OTOGL: variants seen among roughly 807,000 people sequenced by gnomAD.
The protein encoded by OTOGL is otogelin-like protein.
OTOGL carries 285 observed loss-of-function variants against 318.5 expected under a neutral mutation model. That is an observed-to-expected ratio of 0.89 (90% CI 0.81 to 0.99). OTOGL has a LOEUF of 0.99. Among genes scored for constraint, OTOGL ranks in the 50% least tolerant of loss-of-function variants. The pLI is 0.00. For synonymous variants in OTOGL, 987 were observed against 936.5 expected (o/e 1.05, Z -0.99); for missense variants, 2,899 against 2,845.6 (o/e 1.02, Z -0.43).
intron 11 of OTOGL, among the ~76,000 whole-genome samples, chr12:80,249,328 T>C (rs1881241927): frequency 6.6e-6 from 1 of 151,666 alleles, no homozygotes; most frequent in Admixed American, 6.5e-5. Context: ...GATGGTGATA[T>C]ACAGATGGGT....
chr12:80,356,817 A>T lies in OTOGL; in HGVS notation c.5922A>T (p.Pro1974=), dbSNP rs1385079478. The T allele has an allele frequency of 1.9e-6, 3 of 1,593,578 alleles. No homozygotes were observed. The East Asian group carries it at 6.8e-5, about 36-fold the overall frequency. Residue 1974 remains proline, a synonymous_variant, in exon 49 of 59, where the codon CCA becomes CCT. Transcript: ENST00000547103. ...CCPQYKCECD[P]LKCPSISTPE... is the part of the protein sequence containing the mutation. ...ATTTTGTTTCTGCAGAATGTGACCC[A>T]TTGAAATGCCCCAGTATTTCAACAC...
chr12:80,361,992 C>T (rs772605704), intron 52 of OTOGL, among the ~76,000 whole-genome samples: 1 of 152,104 alleles, frequency 6.6e-6, no homozygotes, highest in Non-Finnish European at 1.5e-5. Context: ...TGCTATACTC[C>T]CATTTGTCCA....
intron 29 of OTOGL, among the ~76,000 whole-genome samples, chr12:80,308,736 T>G (rs1235912661): frequency 6.6e-6 from 1 of 152,208 alleles, no homozygotes; most frequent in Non-Finnish European, 1.5e-5. Flanking sequence ...AGGCCGAGGC[T>G]GGCGGATCAC....
intron 1 of OTOGL, among the ~76,000 whole-genome samples, chr12:80,183,918 T>C (rs1875105813): frequency 6.6e-6 from 1 of 152,194 alleles, no homozygotes; most frequent in Non-Finnish European, 1.5e-5. Flanking sequence ...TATATATTCC[T>C]GGCTACTAGT....
chr12:80,242,832 A>G (rs1466831768), intron 11 of OTOGL, among the ~76,000 whole-genome samples: 2 of 152,134 alleles, frequency 1.3e-5, no homozygotes, highest in Admixed American at 1.3e-4. Flanking sequence ...TGTAGAGGAC[A>G]GAACTATTAA....
intron 19 of OTOGL, 55 bp downstream of exon 19, chr12:80,262,148 G>A: frequency 6.8e-7 from 1 of 1,468,270 alleles, no homozygotes; most frequent in Non-Finnish European, 9.2e-7. Flanking sequence ...AAAGTTCTAT[G>A]TATTACTATA....
At chr12:80,163,831 T>C (rs993139803) in intron 1 of OTOGL, among the ~76,000 whole-genome samples, 3 of 152,298 alleles carry the variant, frequency 2.0e-5, no homozygotes, top group Non-Finnish European at 2.9e-5. Context: ...CTTTTAGTTA[T>C]GCTATGTTGC....
intron 1 of OTOGL, among the ~76,000 whole-genome samples, chr12:80,146,850 G>T (rs1417590008): frequency 6.6e-6 from 1 of 151,930 alleles, no homozygotes; most frequent in Non-Finnish European, 1.5e-5. Context: ...TTGCATAGAG[G>T]TGTTTGTAGT....
chr12:80,320,888 G>A (rs1887291196), intron 34 of OTOGL, among the ~76,000 whole-genome samples, 188 bp downstream of exon 34: 2 of 151,986 alleles, frequency 1.3e-5, no homozygotes, highest in Non-Finnish European at 2.9e-5. Flanking sequence ...ATAATAATAT[G>A]TACTTTATCG....
rs920411972 is a variant in OTOGL, at chr12:80,342,041, G to T, written c.5144G>T (p.Trp1715Leu). 1.2e-6 allele frequency: 2 copies of T among 1,607,448 alleles called. No individual in the cohort carries two copies. Among genetic ancestry groups the T allele is most frequent in the South Asian group, 2.2e-5 (2 of 89,750 alleles). The change falls in exon 44 of 59, where the codon TGG becomes TTG. Residue 1715 changes from tryptophan (W) to leucine (L), a missense_variant. Trp to Leu is a moderately conservative substitution (Grantham distance 61). This residue lies in a region of OTOGL where 2,607 missense variants were observed against 2,524.9 expected (regional missense o/e 1.03). Coordinates refer to ENST00000547103, the MANE Select transcript of OTOGL (RefSeq NM_001378609.3). ...MEDIGLFIES[W>L]EIEKSFEVTM... Reference sequence around the variant, plus strand: ...GACATAGGATTATTTATTGAGAGCTGGGAAATTGAGAAATCATTTGAAGTA... The same window carrying T: ...GACATAGGATTATTTATTGAGAGCTTGGAAATTGAGAAATCATTTGAAGTA...
intron 11 of OTOGL, among the ~76,000 whole-genome samples, chr12:80,248,755 A>G (rs1043404802): frequency 1.9e-4 from 29 of 149,114 alleles, no homozygotes; most frequent in Non-Finnish European, 3.0e-4. Context: ...TATCCTGCAG[A>G]GTGTTTTCCA....
At chr12:80,198,021 T>C (rs1324870368) in intron 1 of OTOGL, among the ~76,000 whole-genome samples, 2 of 152,202 alleles carry the variant, frequency 1.3e-5, no homozygotes, top group Non-Finnish European at 2.9e-5. Context: ...TATTATATAT[T>C]CCTTTCTTCC....
At chr12:80,125,629 G>A (rs1870778648) in intron 1 of OTOGL, among the ~76,000 whole-genome samples, 1 of 152,162 alleles carries the variant, frequency 6.6e-6, no homozygotes, top group South Asian at 2.1e-4. Context: ...GCTCCTCCTT[G>A]TACCTCTGGT....
Position 80,257,828 on chromosome 12 carries a change from T to C in OTOGL, c.1715T>C (p.Ile572Thr), listed in dbSNP as rs757415910. The stretch of plus-strand genomic sequence containing the variant: ...TACGTATGTTCTTTTCCTGCAGGTA[T>C]TGTTGAAATTCAAACTCTGTCATCC... ...SPNQGFNLNG[I>T]VEIQTLSSLF... Residue 572 changes from isoleucine to threonine, a missense_variant, in exon 18 of 59, where the codon ATT (isoleucine) becomes ACT (threonine). This residue lies in a region of OTOGL where 2,607 missense variants were observed against 2,524.9 expected (regional missense o/e 1.03). Coordinates refer to ENST00000547103, the MANE Select transcript of OTOGL (RefSeq NM_001378609.3). The C allele has an allele frequency of 5.1e-6, 8 of 1,571,676 alleles. No homozygotes were observed. In the African/African-American group the frequency reaches 1.1e-4, roughly 21 times the overall value.
chr12:80,366,532 A>ATATATAT (rs1566018778), intron 52 of OTOGL, 42 bp from the exon 53 acceptor site: 11 of 123,020 alleles, frequency 8.9e-5, no homozygotes, highest in East Asian at 2.7e-4. Context: ...TATATATATA[A>ATATATAT]AATAAGCTAA....
At chr12:80,218,089 T>C (rs190355529) in intron 5 of OTOGL, among the ~76,000 whole-genome samples, 44 of 152,320 alleles carry the variant, frequency 2.9e-4, no homozygotes, top group African/African-American at 9.1e-4. Context: ...TAGTTTTCAT[T>C]TGATATTTGT....
At position 80,182,221 on chromosome 12, in the gene OTOGL, A is replaced by C. The variant is rs544720473; in HGVS notation, c.-19-27192A>C. ...TACTTTAAATGAGCTCCAATCACAT[A>C]TTCTTGCCCCTAAATGTTATCAAAA... On this transcript the variant is annotated intron_variant, in intron 1 of 58. Coordinates refer to ENST00000547103, the MANE Select transcript of OTOGL (RefSeq NM_001378609.3). Among the ~76,000 whole-genome samples, 4 of 152,262 alleles carry C rather than the reference A, an allele frequency of 2.6e-5. No individual in the cohort carries two copies. In the South Asian group the frequency reaches 8.3e-4, roughly 32 times the overall value.
chr12:80,302,842 T>C, intron 28 of OTOGL, 59 bp downstream of exon 28: 2 of 1,276,350 alleles, frequency 1.6e-6, no homozygotes, highest in African/African-American at 1.5e-5. Context: ...TAGTTTTTGA[T>C]GTTTGATGAA....
chr12:80,171,184 C>T (rs367708913), intron 1 of OTOGL, among the ~76,000 whole-genome samples: 9 of 152,278 alleles, frequency 5.9e-5, no homozygotes, highest in South Asian at 4.1e-4. Context: ...GTGATCCTCA[C>T]GCCTTAGTCT....
Sources: allele counts gnomAD v4.1 joint callset (sites outside exome capture counted in the v4.1 genomes callset), GRCh38; gene constraint gnomAD v4.1.1; regional missense constraint gnomAD v4.1.1; transcripts MANE v1.5; gene names NCBI Gene and HGNC (gene_info 2026-07-23, HGNC 2026-07-21).